Variants in C5AR2 observed in about 807,000 individuals in gnomAD.
The protein encoded by C5AR2 is complement C5a receptor 2, also known as C5a anaphylatoxin chemotactic receptor 2.
For missense variants in C5AR2, 458 were observed against 467.5 expected, an observed-to-expected ratio of 0.98 and a Z score of 0.19; for synonymous variants, 224 against 216.5, an observed-to-expected ratio of 1.03 and a Z score of -0.30.
rs1195704459 is a variant in C5AR2 at position 47,341,915 on chromosome 19, C to T, written c.*102C>T. The T allele has an allele frequency of 3.6e-6, 4 of 1,121,174 alleles. No individual in the cohort carries two copies. In the African/African-American group the frequency reaches 6.2e-5, roughly 17 times the overall value. 69.5% of individuals were successfully genotyped at this position (1,121,174 alleles called of 1,614,324 possible). ...GCTCAATGATGTCTTCATTTTATTC[C>T]TTCCTTCATTCAACAGATATCCATC... On this transcript the variant is annotated 3_prime_UTR_variant, in exon 2 of 2. Transcript: ENST00000595464. The surrounding 1 kb of genome is among the most constrained non-coding windows in gnomAD (Gnocchi z 4.6).
rs1467297000 is a variant in C5AR2 at position 47,341,728 on chromosome 19, C to A, written c.929C>A (p.Ala310Asp). 6.2e-7 allele frequency: 1 copy of A among 1,613,916 alleles called. No individual in the cohort carries two copies. The highest frequency in any genetic ancestry group is 8.5e-7 in the Non-Finnish European group (1 of 1,180,012). ...TCACTGCCAGCTGCCTGTCACTGGG[C>A]CCTGAGGGAGTCCCAGGGCCAGGAC... Reference protein sequence around the residue: ...RRSLPAACHWALRESQGQDES... With the variant: ...RRSLPAACHWDLRESQGQDES... Residue 310 changes from alanine (A) to aspartate (D), a missense_variant, in exon 2 of 2, where the codon GCC (alanine) becomes GAC (aspartate). Ala to Asp is a moderately radical substitution (Grantham distance 126). Coordinates refer to ENST00000595464, the MANE Select transcript of C5AR2 (RefSeq NM_001271749.2). This position sits in a 1 kb window ranked among gnomAD's most constrained non-coding sequence, Gnocchi z 4.6.
intron 1 of C5AR2, among the ~76,000 whole-genome samples, chr19:47,335,805 A>AAAAAAAAAAT (rs1568667967): frequency 7.6e-6 from 1 of 132,222 alleles, no homozygotes; most frequent in African/African-American, 2.8e-5. Context: ...AAAAAAAAGA[A>AAAAAAAAAAT]AGTTTTCGTT....
At chr19:47,333,037 C>G (rs540116017) in intron 1 of C5AR2, among the ~76,000 whole-genome samples, 5 of 151,458 alleles carry the variant, frequency 3.3e-5, no homozygotes, top group Non-Finnish European at 4.4e-5. Context: ...CAGGGTCTCA[C>G]TCTGTCTCCC....
At chr19:47,334,799 G>A (rs372648313) in intron 1 of C5AR2, among the ~76,000 whole-genome samples, 114 of 151,962 alleles carry the variant, frequency 7.5e-4, no homozygotes, top group African/African-American at 2.7e-3. Flanking sequence ...GCTCACTGCA[G>A]CCTTGACCTC....
At position 47,340,912 on chromosome 19, in the gene C5AR2, C is replaced by T. The variant is rs376182734; in HGVS notation, c.113C>T (p.Pro38Leu). Residue 38 changes from proline (P) to leucine (L), a missense_variant, in exon 2 of 2, where the codon CCG (proline) becomes CTG (leucine). Coordinates refer to ENST00000595464, the MANE Select transcript of C5AR2 (RefSeq NM_001271749.2). ...CLAIDPLRVA[P>L]LPLYAAIFLV... is the part of the protein sequence containing the mutation. ...GCCATCGACCCGCTGCGCGTGGCCC[C>T]GCTCCCACTGTATGCCGCCATCTTC... 1.6e-5 allele frequency: 26 copies of T among 1,612,680 alleles called. No individual in the cohort carries two copies. The African/African-American group carries it at 2.3e-4, about 14-fold the overall frequency.
chr19:47,340,616 T>C (rs1968996450), intron 1 of C5AR2, among the ~76,000 whole-genome samples, 169 bp from the exon 2 acceptor site: 1 of 152,088 alleles, frequency 6.6e-6, no homozygotes, highest in Non-Finnish European at 1.5e-5. Flanking sequence ...ATTACAGGTG[T>C]GAGCCACCAC....
At chr19:47,335,427 T>C (rs2059353609) in intron 1 of C5AR2, among the ~76,000 whole-genome samples, 1 of 151,994 alleles carries the variant, frequency 6.6e-6, no homozygotes, top group African/African-American at 2.4e-5. Flanking sequence ...AAATGCCATC[T>C]ACGATACCAT....
intron 1 of C5AR2, among the ~76,000 whole-genome samples, chr19:47,337,634 C>A (rs2059363477): frequency 6.6e-6 from 1 of 151,950 alleles, no homozygotes; most frequent in Non-Finnish European, 1.5e-5. Context: ...TGCACTCCAG[C>A]CTGGATGACA....
In C5AR2 at chr19:47,345,306, G is replaced by A. The variant is rs2972601; in HGVS notation, c.*3493G>A. 1,725 of 151,844 alleles carry A rather than the reference G, an allele frequency of 0.011. 24 individuals are homozygous for A. Among genetic ancestry groups the A allele is most frequent in the Middle Eastern group, 0.072 (21 of 290 alleles). 9.4% of individuals were successfully genotyped at this position (151,844 alleles called of 1,614,324 possible). A position where few individuals can be genotyped will look rare whatever the true frequency, so the allele number is the denominator to read the frequency against. On this transcript the variant is annotated 3_prime_UTR_variant, in exon 2 of 2. Transcript: ENST00000595464. The stretch of plus-strand genomic sequence containing the variant: ...GACGATATACCTGCCTAACTCTTAG[G>A]ATCTATTGGATTCAGGGTAGACAGG...
At chr19:47,338,169 A>T (rs1408339131) in intron 1 of C5AR2, among the ~76,000 whole-genome samples, 1 of 152,036 alleles carries the variant, frequency 6.6e-6, no homozygotes, top group Non-Finnish European at 1.5e-5. Context: ...CCAGCTACTC[A>T]GGGGGCAGAG....
intron 1 of C5AR2, among the ~76,000 whole-genome samples, chr19:47,333,326 A>C (rs2059346279): frequency 6.6e-6 from 1 of 152,084 alleles, no homozygotes; most frequent in South Asian, 2.1e-4. Flanking sequence ...CTATCACAAA[A>C]TCTGTCCACA....
rs1969090076 is a variant in C5AR2, at chr19:47,344,452, A to G, written c.*2639A>G. 6.6e-6 allele frequency: 1 copy of G among 152,152 alleles called. No homozygotes were observed. Among genetic ancestry groups the G allele is most frequent in the African/African-American group, 2.4e-5 (1 of 41,402 alleles). 9.4% of individuals were successfully genotyped at this position (152,152 alleles called of 1,614,324 possible). On this transcript the variant is annotated 3_prime_UTR_variant, in exon 2 of 2. Transcript: ENST00000595464. The stretch of plus-strand genomic sequence containing the variant: ...TTTCTCCTTTAAGGTCATTCTCACA[A>G]CAGCCCAGGGAGATAGGGTGGCATG...
intron 1 of C5AR2, among the ~76,000 whole-genome samples, chr19:47,333,177 G>T (rs1002988436): frequency 1.3e-5 from 2 of 151,560 alleles, no homozygotes; most frequent in Non-Finnish European, 2.9e-5. Flanking sequence ...GCTAATTTTT[G>T]TATTTTTAGT....
rs1396966388 is a variant in C5AR2 at position 47,342,020 on chromosome 19, G to A, written c.*207G>A. 1.0e-5 allele frequency: 6 copies of A among 580,954 alleles called. No individual in the cohort carries two copies. The highest frequency in any genetic ancestry group is 1.9e-5 in the Non-Finnish European group (6 of 319,622). The allele number at this position is 580,954 out of a possible 1,614,324, so 36.0% of individuals were successfully genotyped here. ...AAACAGACACAAATCCTGCCCTCAG[G>A]GAGCTGATATTCTTCTAGTGGAGGA... On this transcript the variant is annotated 3_prime_UTR_variant, in exon 2 of 2. Coordinates refer to ENST00000595464, the MANE Select transcript of C5AR2 (RefSeq NM_001271749.2).
intron 1 of C5AR2, among the ~76,000 whole-genome samples, chr19:47,332,977 G>T (rs1210163481): frequency 6.6e-6 from 1 of 152,022 alleles, no homozygotes; most frequent in African/African-American, 2.4e-5. Context: ...TTAACTCAGC[G>T]ATTCCAATTC....
rs748125510 is a variant in C5AR2 at position 47,341,176 on chromosome 19, C to T, written c.377C>T (p.Ala126Val). 1.2e-6 allele frequency: 2 copies of T among 1,601,040 alleles called. No homozygotes were observed. The highest frequency in any genetic ancestry group is 3.3e-5 in the Admixed American group (2 of 60,014). ...LTMYASVLLLAALSADLCFLA... is the reference protein window; with the variant it reads ...LTMYASVLLLVALSADLCFLA... ...ATGTATGCCAGCGTCCTGCTCCTGG[C>T]AGCTCTCAGTGCCGACCTCTGCTTC... Residue 126 changes from alanine (A) to valine (V), a missense_variant, in exon 2 of 2, where the codon GCA (alanine) becomes GTA (valine). Coordinates refer to ENST00000595464, the MANE Select transcript of C5AR2 (RefSeq NM_001271749.2). The surrounding 1 kb of genome is among the most constrained non-coding windows in gnomAD (Gnocchi z 4.6).
At chr19:47,336,755 C>T (rs1358667618) in intron 1 of C5AR2, among the ~76,000 whole-genome samples, 2 of 151,896 alleles carry the variant, frequency 1.3e-5, no homozygotes, top group African/African-American at 4.8e-5. Context: ...GCGATCCTTC[C>T]TCCTCAACTC....
At position 47,335,802 on chromosome 19, in the gene C5AR2, AG is replaced by A. The variant is rs1468553481; in HGVS notation, c.-16+3454del. Among the ~76,000 whole-genome samples the A allele has an allele frequency of 1.6e-3, 224 of 137,860 alleles. 62 individuals are homozygous for A. Among genetic ancestry groups the A allele is most frequent in the African/African-American group, 2.4e-3 (84 of 34,472 alleles). The allele number at this position is 137,860 out of a possible 152,430, so 90.4% of individuals were successfully genotyped here. On this transcript the variant is annotated intron_variant, in intron 1 of 1. Transcript: ENST00000595464. ...AAAAAAAAAAAAAAAAAAAAAAAAA[AG>A]AAAGTTTTCGTTTTCTGGATTGTAA... is the stretch of plus-strand genomic sequence containing the variant.
intron 1 of C5AR2, among the ~76,000 whole-genome samples, chr19:47,334,468 G>GAAAAA (rs58125577): frequency 2.9e-5 from 4 of 138,402 alleles, no homozygotes; most frequent in Non-Finnish European, 4.6e-5. Flanking sequence ...TGTCCATACA[G>GAAAAA]AAAAAAAAAA....
Sources: gnomAD v4.1 joint callset for allele counts (sites outside exome capture counted in the v4.1 genomes callset) on GRCh38, gnomAD v4.1.1 for gene constraint, Gnocchi (gnomAD v3.1) non-coding constraint, MANE v1.5 for transcripts, NCBI Gene and HGNC (gene_info 2026-07-23, HGNC 2026-07-21) for gene names.